The following NFAM1 variants were observed in gnomAD, a reference collection of about 807,000 sequenced individuals.
The protein encoded by NFAM1 is NFAT activation molecule 1.
Under a neutral mutation model 29.0 loss-of-function variants are expected in NFAM1, and 17 were observed. That is an observed-to-expected ratio of 0.59 (90% confidence interval 0.40 to 0.88). The LOEUF is 0.88. Among genes scored for constraint, NFAM1 ranks in the 40% least tolerant of loss-of-function variants. The pLI, the probability that NFAM1 is intolerant of heterozygous loss-of-function variation, is 0.00. For synonymous variants in NFAM1, 175 were observed against 147.2 expected (o/e 1.19, Z -1.36); for missense variants, 324 against 344.6 (o/e 0.94, Z 0.47).
chr22:42,394,560 G>T (rs1322516207), intron 4 of NFAM1, among the ~76,000 whole-genome samples: 1 of 152,100 alleles, frequency 6.6e-6, no homozygotes, highest in African/African-American at 2.4e-5. Context: ...TAAACTGAAA[G>T]ATAATGAAAA....
At position 42,388,239 on chromosome 22, in the gene NFAM1, C is replaced by T. The variant is rs1049362751; in HGVS notation, c.664-1161G>A. Among the ~76,000 whole-genome samples the T allele has an allele frequency of 7.2e-5, 11 of 152,342 alleles. No individual in the cohort carries two copies. Among genetic ancestry groups the T allele is most frequent in the Admixed American group, 2.6e-4 (4 of 15,306 alleles). Reference sequence around the variant, plus strand: ...CGCCAGCCAAAGGCAACCCCTTAACCGCTCCATGCCTCAGTTTCCACGTCT... The same window carrying T: ...CGCCAGCCAAAGGCAACCCCTTAACTGCTCCATGCCTCAGTTTCCACGTCT... On this transcript the variant is annotated intron_variant, in intron 4 of 5. Coordinates refer to ENST00000329021, the MANE Select transcript of NFAM1 (RefSeq NM_145912.8). The surrounding 1 kb of genome is among the most constrained non-coding windows in gnomAD (Gnocchi z 4.1).
intron 3 of NFAM1, among the ~76,000 whole-genome samples, chr22:42,406,344 TCAGA>T (rs1396805130): frequency 2.0e-5 from 3 of 152,154 alleles, no homozygotes; most frequent in African/African-American, 7.2e-5. Context: ...TGTCCCTCAC[TCAGA>T]CAGAGGGTCC....
At chr22:42,396,893 C>T (rs777947028) in intron 4 of NFAM1, among the ~76,000 whole-genome samples, 3 of 152,172 alleles carry the variant, frequency 2.0e-5, no homozygotes, top group South Asian at 2.1e-4. Flanking sequence ...ACAGCACGTA[C>T]GAGCAGAACC....
In NFAM1 at chr22:42,419,989, GGTT is replaced by G. The variant is rs1930383693; in HGVS notation, c.122-8256_122-8254del. On this transcript the variant is annotated intron_variant, in intron 1 of 5. Coordinates refer to ENST00000329021, the MANE Select transcript of NFAM1 (RefSeq NM_145912.8). The surrounding 1 kb of genome is among the most constrained non-coding windows in gnomAD (Gnocchi z 4.5). ...CCTTTGAGTCTGTAATCCCACTCTT[GGTT>G]TTTTTTTTTTTTTTTTTTTTTTTTT... Among the ~76,000 whole-genome samples the G allele has an allele frequency of 1.5e-3, 82 of 56,518 alleles. No homozygotes were observed. The highest frequency in any genetic ancestry group is 2.6e-3 in the Admixed American group (15 of 5,724). 37.1% of individuals were successfully genotyped at this position (56,518 alleles called of 152,430 possible).
chr22:42,411,384 A>G (rs1930081976), intron 2 of NFAM1, 23 bp downstream of exon 2: 1 of 1,584,274 alleles, frequency 6.3e-7, no homozygotes, highest in Non-Finnish European at 8.6e-7. Flanking sequence ...TTTGCCCTGG[A>G]AGAGCCACAG....
intron 4 of NFAM1, among the ~76,000 whole-genome samples, chr22:42,391,612 T>C (rs1311017763): frequency 6.6e-6 from 1 of 152,000 alleles, no homozygotes; most frequent in Non-Finnish European, 1.5e-5. Context: ...GGAGCAGCGA[T>C]GAGGAGACGT....
chr22:42,426,621 AGG>A (rs1441203184), intron 1 of NFAM1, among the ~76,000 whole-genome samples: 1 of 152,206 alleles, frequency 6.6e-6, no homozygotes, highest in African/African-American at 2.4e-5. Context: ...AGGCGCCATC[AGG>A]GCTCTGGCCT....
intron 3 of NFAM1, among the ~76,000 whole-genome samples, chr22:42,405,940 C>CG (rs1929882261): frequency 6.6e-6 from 1 of 152,118 alleles, no homozygotes; most frequent in Non-Finnish European, 1.5e-5. Flanking sequence ...CTGGGGCTCC[C>CG]GGGGGTGAAA....
chr22:42,417,207 T>TA (rs1263330809), intron 1 of NFAM1, among the ~76,000 whole-genome samples: 9 of 152,268 alleles, frequency 5.9e-5, no homozygotes, highest in African/African-American at 1.9e-4. Flanking sequence ...ACTTCAGCTT[T>TA]AGAGTTTGAA....
chr22:42,418,688 G>GT (rs555827191), intron 1 of NFAM1, among the ~76,000 whole-genome samples: 2,369 of 144,604 alleles, frequency 0.016, 52 homozygotes, highest in African/African-American at 0.052. Flanking sequence ...AGCTATCTCT[G>GT]TTTTTTTTTT....
intron 4 of NFAM1, among the ~76,000 whole-genome samples, chr22:42,390,783 C>T (rs1360340231): frequency 5.1e-5 from 7 of 138,446 alleles, no homozygotes; most frequent in Admixed American, 3.9e-4. Flanking sequence ...TGCCACTGCA[C>T]TCAAGCCTGG....
At chr22:42,400,695 C>A (rs998021621) in intron 3 of NFAM1, among the ~76,000 whole-genome samples, 7 of 152,214 alleles carry the variant, frequency 4.6e-5, no homozygotes, top group African/African-American at 1.4e-4. Flanking sequence ...TGGATCAAAC[C>A]CAGATGTGTG....
upstream of NFAM1, chr22:42,432,430 T>C: frequency 1.4e-6 from 2 of 1,462,980 alleles, no homozygotes; most frequent in Non-Finnish European, 1.8e-6. Flanking sequence ...GCTTCCCCTT[T>C]GCTTTCCCCA....
At position 42,411,507 on chromosome 22, in the gene NFAM1, G is replaced by T. The variant is rs770208643; in HGVS notation, c.351C>A (p.Thr117=). 2.1e-5 allele frequency: 34 copies of T among 1,614,178 alleles called. No homozygotes were observed. The highest frequency in any genetic ancestry group is 2.9e-5 in the Non-Finnish European group (34 of 1,180,024). ...TGGCCGATGCTCCCGGCAGCACAAG[G>T]GTGACCTGGCAGTCCAGGGTGTGGC... is the stretch of plus-strand genomic sequence containing the variant. The part of the protein sequence containing the change: ...NQSHTLDCQV[T]LVLPGASATG... Residue 117 remains threonine (T), a synonymous_variant, in exon 2 of 6, where the codon ACC becomes ACA. Transcript: ENST00000329021.
At chr22:42,390,934 G>A (rs533603662) in intron 4 of NFAM1, among the ~76,000 whole-genome samples, 1 of 152,174 alleles carries the variant, frequency 6.6e-6, no homozygotes, top group African/African-American at 2.4e-5. Context: ...CTTGGTGAGA[G>A]GGGAACCTCT....
intron 3 of NFAM1, among the ~76,000 whole-genome samples, chr22:42,400,613 A>G (rs1319317856): frequency 1.3e-5 from 2 of 152,192 alleles, no homozygotes; most frequent in Non-Finnish European, 2.9e-5. Flanking sequence ...GTGAGACTCT[A>G]TCTCAAAAAC....
Position 42,411,592 on chromosome 22 carries a change from C to T in NFAM1, c.266G>A (p.Gly89Glu). ...TGTTGGCTTCTTAGGGCTCCTCTGTCCCTGGAGATCTTCATGAAAGTAGCT... is the reference window on the plus strand; with the variant it reads ...TGTTGGCTTCTTAGGGCTCCTCTGTTCCTGGAGATCTTCATGAAAGTAGCT... Reference protein sequence around the residue: ...TVSYFHEDLQGQRSPKKPTNC... With the variant: ...TVSYFHEDLQEQRSPKKPTNC... Residue 89 changes from glycine to glutamate, a missense_variant, in exon 2 of 6, where the codon GGA becomes GAA. Gly to Glu is a moderately conservative substitution (Grantham distance 98, BLOSUM62 -2). Transcript: ENST00000329021. The T allele has an allele frequency of 6.2e-7, 1 of 1,614,182 alleles. No individual in the cohort carries two copies. The highest frequency in any genetic ancestry group is 1.1e-5 in the South Asian group (1 of 91,084).
chr22:42,420,103 C>T (rs775145674), intron 1 of NFAM1, among the ~76,000 whole-genome samples: 3 of 147,236 alleles, frequency 2.0e-5, no homozygotes, highest in Non-Finnish European at 4.4e-5. Context: ...CTCCACCTCC[C>T]CGGTTCAAGC....
chr22:42,431,255 A>G (rs558165480), intron 1 of NFAM1, among the ~76,000 whole-genome samples: 11 of 152,270 alleles, frequency 7.2e-5, no homozygotes, highest in African/African-American at 1.9e-4. Flanking sequence ...AGGAGCCCCA[A>G]GGGGTGCTGT....
Sources: gnomAD v4.1 joint callset for allele counts (sites outside exome capture counted in the v4.1 genomes callset) on GRCh38, gnomAD v4.1.1 for gene constraint, Gnocchi (gnomAD v3.1) non-coding constraint, MANE v1.5 for transcripts, NCBI Gene and HGNC (gene_info 2026-07-23, HGNC 2026-07-21) for gene names.